The following ANXA8 variants were observed in gnomAD, a reference collection of about 807,000 sequenced individuals.
ANXA8 encodes the protein VAC-beta.
Under a neutral mutation model 26.8 loss-of-function variants are expected in ANXA8, and 9 were observed. The observed-to-expected ratio is 0.34, with a 90% CI of 0.20 to 0.59. The LOEUF (loss-of-function observed/expected upper bound fraction) is 0.59, where lower values mean the gene tolerates loss of function less well. ANXA8 is among the 20% of genes least tolerant of loss of function. The probability of loss-of-function intolerance (pLI) is 0.84; values close to 1 mark genes in which losing one functional copy is unlikely to be tolerated. For synonymous variants in ANXA8, 39 were observed against 94.8 expected (o/e 0.41, Z 3.42); for missense variants, 83 against 238.5 (o/e 0.35, Z 4.29).
At chr10:47,743,321 T>TATAC in the ANXA8 span, among the ~76,000 whole-genome samples, 1 of 105,680 alleles carries the variant, frequency 9.5e-6, no homozygotes, top group Non-Finnish European at 2.0e-5. Context: ...TACACATATA[T>TATAC]ATATATACAT....
the ANXA8 span, among the ~76,000 whole-genome samples, chr10:47,733,257 T>G: frequency 7.6e-4 from 82 of 107,886 alleles, no homozygotes; most frequent in African/African-American, 2.9e-3. Flanking sequence ...CTTTCTTTCT[T>G]TCTTTCTTTC....
At chr10:47,507,257 A>AGG in the ANXA8 span, among the ~76,000 whole-genome samples, 16 of 116,720 alleles carry the variant, frequency 1.4e-4, no homozygotes, top group African/African-American at 4.7e-4. Flanking sequence ...TAATATCAAC[A>AGG]GTGGTAAGGC....
At chr10:47,778,915 TATGA>T in the ANXA8 span, among the ~76,000 whole-genome samples, 1 of 151,240 alleles carries the variant, frequency 6.6e-6, no homozygotes, top group Non-Finnish European at 1.5e-5. Flanking sequence ...TATGATATGA[TATGA>T]TATGATATGA....
At chr10:47,733,221 C>CTCTCTT in the ANXA8 span, among the ~76,000 whole-genome samples, 4 of 58,256 alleles carry the variant, frequency 6.9e-5, no homozygotes, top group Admixed American at 1.9e-4. Context: ...TTCTTTCTTT[C>CTCTCTT]TCTTTCTTTC....
At chr10:47,948,026 A>G in the ANXA8 span, among the ~76,000 whole-genome samples, 1 of 150,772 alleles carries the variant, frequency 6.6e-6, no homozygotes, top group African/African-American at 2.5e-5. Context: ...GAGATCCCAG[A>G]AAAGTCATGT....
At chr10:47,726,952 G>A in the ANXA8 span, 1 of 1,576,458 alleles carries the variant, frequency 6.3e-7, no homozygotes, top group East Asian at 2.2e-5. Flanking sequence ...TCAACAGAGT[G>A]ATAGGTAATA....
At chr10:47,691,628 G>T in the ANXA8 span, among the ~76,000 whole-genome samples, 1 of 150,478 alleles carries the variant, frequency 6.6e-6, no homozygotes, top group African/African-American at 2.5e-5. Flanking sequence ...ATTAAGTTTT[G>T]CGTGCCTGTA....
the ANXA8 span, among the ~76,000 whole-genome samples, chr10:47,579,149 G>T: frequency 7.1e-5 from 10 of 140,252 alleles, no homozygotes; most frequent in Admixed American, 4.4e-4. Context: ...CCTGTTTTTG[G>T]TTTTTTTTGA....
chr10:47,733,400 A>AT, the ANXA8 span, among the ~76,000 whole-genome samples: 2 of 130,214 alleles, frequency 1.5e-5, no homozygotes, highest in African/African-American at 6.2e-5. Context: ...GAGTTTTGAT[A>AT]GGATAACATT....
chr10:47,771,575 T>G, the ANXA8 span, among the ~76,000 whole-genome samples: 63 of 149,990 alleles, frequency 4.2e-4, no homozygotes, highest in Admixed American at 1.5e-3. Context: ...GCAGGTTTTT[T>G]TTGTTGTTGT....
chr10:47,667,920 T>C, the ANXA8 span, among the ~76,000 whole-genome samples: 1 of 151,960 alleles, frequency 6.6e-6, no homozygotes, highest in Admixed American at 6.6e-5. Flanking sequence ...GTATTTTTAG[T>C]AGAGACAGGG....
the ANXA8 span, among the ~76,000 whole-genome samples, chr10:47,733,175 T>TTCTTTCTTTCTTTCTCTCTCTCTCTCTC: frequency 8.6e-5 from 8 of 93,270 alleles, no homozygotes; most frequent in African/African-American, 2.5e-4. Context: ...CTTTCTTTCT[T>TTCTTTCTTTCTTTCTCTCTCTCTCTCTC]TCTTTCTTTC....
the ANXA8 span, among the ~76,000 whole-genome samples, chr10:47,551,591 AG>A: frequency 2.0e-4 from 31 of 152,098 alleles, no homozygotes; most frequent in African/African-American, 7.5e-4. Context: ...TTCTATGGCA[AG>A]TCTTCTCACG....
the ANXA8 span, among the ~76,000 whole-genome samples, chr10:47,916,691 T>C: frequency 5.7e-4 from 77 of 134,920 alleles, no homozygotes; most frequent in African/African-American, 1.9e-3. Context: ...TTTACCACCA[T>C]TTCAGCTCTT....
chr10:47,665,988 TA>T, the ANXA8 span, among the ~76,000 whole-genome samples: 1 of 151,840 alleles, frequency 6.6e-6, no homozygotes, highest in East Asian at 1.9e-4. Context: ...TCTTAATTGC[TA>T]ACTTGCCTAG....
chr10:47,564,072 A>G, the ANXA8 span, among the ~76,000 whole-genome samples: 1 of 133,554 alleles, frequency 7.5e-6, no homozygotes, highest in African/African-American at 2.9e-5. Flanking sequence ...CGCCTGGCCC[A>G]TGGACTGCAC....
At chr10:47,771,985 T>G in the ANXA8 span, among the ~76,000 whole-genome samples, 1 of 151,786 alleles carries the variant, frequency 6.6e-6, no homozygotes, top group Non-Finnish European at 1.5e-5. Context: ...TAAGAAGATT[T>G]GCTTTCGTAT....
the ANXA8 span, among the ~76,000 whole-genome samples, chr10:47,647,195 T>A: frequency 6.6e-6 from 1 of 152,220 alleles, no homozygotes; most frequent in East Asian, 1.9e-4. Flanking sequence ...ATCCTTATTA[T>A]TTTTGAAAAA....
chr10:47,716,012 T>C, the ANXA8 span, among the ~76,000 whole-genome samples: 1 of 149,156 alleles, frequency 6.7e-6, no homozygotes. Flanking sequence ...GCCTTTCGCG[T>C]AGCTGAGGAG....
Sources: allele counts gnomAD v4.1 joint callset (sites outside exome capture counted in the v4.1 genomes callset), GRCh38; gene constraint gnomAD v4.1.1; transcripts MANE v1.5; gene names NCBI Gene and HGNC (gene_info 2026-07-23, HGNC 2026-07-21).